INPP4B: variants seen among roughly 807,000 people sequenced by gnomAD.
INPP4B encodes inositol polyphosphate-4-phosphatase type II B.
Under a neutral mutation model 122.5 loss-of-function variants are expected in INPP4B, and 55 were observed. The ratio of observed to expected loss-of-function variants is 0.45; its 90% CI spans 0.36 to 0.56. The LOEUF is 0.56. Ranked by LOEUF, INPP4B falls within the 20% of genes least tolerant of loss-of-function variation. INPP4B has a pLI of 0.00. For synonymous variants in INPP4B, 403 were observed against 388.7 expected, an observed-to-expected ratio of 1.04 and a Z score of -0.43; for missense variants, 1,000 against 1,097.7, an observed-to-expected ratio of 0.91 and a Z score of 1.26.
chr4:142,621,389 C>T (rs1744898909), intron 2 of INPP4B, among the ~76,000 whole-genome samples: 1 of 151,966 alleles, frequency 6.6e-6, no homozygotes, highest in Admixed American at 6.6e-5. Flanking sequence ...ATGATGATTA[C>T]AACCACACAC....
At chr4:142,813,344 A>G (rs1004524973) in intron 1 of INPP4B, among the ~76,000 whole-genome samples, 1 of 152,160 alleles carries the variant, frequency 6.6e-6, no homozygotes, top group African/African-American at 2.4e-5. Flanking sequence ...ATGCCAGTGG[A>G]TCTCCTAGAA....
At chr4:142,029,144 T>C (rs1738196466) in intron 25 of INPP4B, 1 of 1,215,380 alleles carries the variant, frequency 8.2e-7, no homozygotes. Flanking sequence ...ACTCTTAACA[T>C]TTAAAATTTA....
intron 14 of INPP4B, 71 bp downstream of exon 14, chr4:142,208,354 A>G (rs1843417226): frequency 2.9e-6 from 2 of 678,416 alleles, no homozygotes; most frequent in Non-Finnish European, 4.8e-6. Flanking sequence ...AATTCTGCCA[A>G]TAGTCAAGCT....
chr4:142,482,850 C>A (rs909976135), intron 2 of INPP4B, among the ~76,000 whole-genome samples: 1 of 152,038 alleles, frequency 6.6e-6, no homozygotes, highest in Non-Finnish European at 1.5e-5. Flanking sequence ...GAAGAGTTTA[C>A]AATTCCCATT....
At chr4:142,629,969 G>A (rs1331591773) in intron 2 of INPP4B, among the ~76,000 whole-genome samples, 1 of 152,080 alleles carries the variant, frequency 6.6e-6, no homozygotes, top group Non-Finnish European at 1.5e-5. Flanking sequence ...CCAAAGACAG[G>A]CATAGGGCCT....
At chr4:142,488,633 C>A (rs1241514526) in intron 2 of INPP4B, among the ~76,000 whole-genome samples, 1 of 152,026 alleles carries the variant, frequency 6.6e-6, no homozygotes, top group African/African-American at 2.4e-5. Flanking sequence ...TAAGAGAATT[C>A]TTCATTTCAT....
chr4:142,117,031 C>A (rs1333359581), intron 21 of INPP4B, among the ~76,000 whole-genome samples: 1 of 152,116 alleles, frequency 6.6e-6, no homozygotes, highest in Non-Finnish European at 1.5e-5. Context: ...ATACTATAAA[C>A]ACCACTATGC....
At chr4:142,401,543 CTTAA>C (rs1337323385) in intron 7 of INPP4B, among the ~76,000 whole-genome samples, 1 of 152,038 alleles carries the variant, frequency 6.6e-6, no homozygotes, top group Non-Finnish European at 1.5e-5. Flanking sequence ...TTAATACTCC[CTTAA>C]TTGATTTTTA....
At chr4:142,066,042 C>G (rs916912868) in intron 25 of INPP4B, among the ~76,000 whole-genome samples, 2 of 151,922 alleles carry the variant, frequency 1.3e-5, no homozygotes, top group African/African-American at 2.4e-5. Context: ...GAGCACCACC[C>G]TCTCTGGGAA....
intron 2 of INPP4B, among the ~76,000 whole-genome samples, chr4:142,650,441 G>A (rs1752690017): frequency 6.6e-6 from 1 of 151,832 alleles, no homozygotes; most frequent in African/African-American, 2.4e-5. Flanking sequence ...TAAGAGTCAA[G>A]ACCCATCAGT....
intron 23 of INPP4B, among the ~76,000 whole-genome samples, chr4:142,093,522 C>T (rs1049892683): frequency 2.0e-5 from 3 of 152,194 alleles, no homozygotes; most frequent in Non-Finnish European, 4.4e-5. Flanking sequence ...ATGAACACTG[C>T]TTTCACTGCC....
intron 7 of INPP4B, among the ~76,000 whole-genome samples, chr4:142,392,503 C>T (rs1252905699): frequency 1.3e-5 from 2 of 152,092 alleles, no homozygotes; most frequent in African/African-American, 2.4e-5. Context: ...CATATGTTGC[C>T]TCATAATCAG....
intron 1 of INPP4B, among the ~76,000 whole-genome samples, chr4:142,830,894 T>TG (rs1183871361): frequency 6.7e-6 from 1 of 149,814 alleles, no homozygotes; most frequent in East Asian, 2.0e-4. Flanking sequence ...TGGTAGCATA[T>TG]GCCTGTAGTC....
At chr4:142,122,867 C>G (rs892344404) in intron 20 of INPP4B, among the ~76,000 whole-genome samples, 1 of 151,854 alleles carries the variant, frequency 6.6e-6, no homozygotes, top group Non-Finnish European at 1.5e-5. Context: ...TATAAAATAT[C>G]TTTTAAAACT....
At chr4:142,699,443 G>A (rs1761437835) in intron 2 of INPP4B, among the ~76,000 whole-genome samples, 1 of 152,104 alleles carries the variant, frequency 6.6e-6, no homozygotes, top group African/African-American at 2.4e-5. Flanking sequence ...AAAATCATGA[G>A]CTTGGTAATC....
intron 7 of INPP4B, among the ~76,000 whole-genome samples, chr4:142,334,924 T>C (rs903099718): frequency 6.6e-6 from 1 of 152,052 alleles, no homozygotes; most frequent in Non-Finnish European, 1.5e-5. Flanking sequence ...GGTTGCCTTT[T>C]CATGTGTTGA....
At chr4:142,784,421 C>T (rs1017899544) in intron 1 of INPP4B, among the ~76,000 whole-genome samples, 1 of 146,818 alleles carries the variant, frequency 6.8e-6, no homozygotes, top group Non-Finnish European at 1.5e-5. Context: ...AAATTAAAAT[C>T]AAGGACTTTT....
chr4:142,584,074 C>T (rs1407161553), intron 2 of INPP4B, among the ~76,000 whole-genome samples: 1 of 151,884 alleles, frequency 6.6e-6, no homozygotes, highest in Non-Finnish European at 1.5e-5. Context: ...ATTCTATATG[C>T]CCTGTACTCT....
At chr4:142,150,920 T>C (rs1813560289) in intron 17 of INPP4B, among the ~76,000 whole-genome samples, 1 of 152,172 alleles carries the variant, frequency 6.6e-6, no homozygotes. Flanking sequence ...TCAGAAAGAA[T>C]GTGAAGACTA....
Sources: gnomAD v4.1 joint callset for allele counts (sites outside exome capture counted in the v4.1 genomes callset) on GRCh38, gnomAD v4.1.1 for gene constraint, MANE v1.5 for transcripts, NCBI Gene and HGNC (gene_info 2026-07-23, HGNC 2026-07-21) for gene names.